The following DPH6 variants were observed in gnomAD, a reference collection of about 807,000 sequenced individuals.
The protein encoded by DPH6 is diphthine--ammonia ligase.
Under a neutral mutation model 38.2 loss-of-function variants are expected in DPH6, and 33 were observed. The observed-to-expected ratio is 0.86, with a 90% confidence interval of 0.65 to 1.15. DPH6 has a LOEUF of 1.15. Ranked by LOEUF, DPH6 falls within the 50% of genes most tolerant of loss-of-function variation. DPH6 has a pLI of 0.00. For missense variants in DPH6, 325 were observed against 320.0 expected (o/e 1.02, Z -0.12); for synonymous variants, 108 against 103.0 (o/e 1.05, Z -0.30).
chr15:35,448,051 A>G (rs147331421), intron 5 of DPH6, among the ~76,000 whole-genome samples: 196 of 152,312 alleles, frequency 1.3e-3, no homozygotes, highest in Non-Finnish European at 6.8e-4. Flanking sequence ...GAGGTTTTCC[A>G]GTAATAGGTA....
chr15:35,425,119 A>G (rs1422374187), intron 5 of DPH6, among the ~76,000 whole-genome samples: 2 of 151,674 alleles, frequency 1.3e-5, no homozygotes, highest in Admixed American at 6.6e-5. Flanking sequence ...CTGGAGGACA[A>G]GCCCTGCAAA....
rs573795265 is a variant in DPH6, at chr15:35,382,367, C to T, written c.568-451G>A. 3.9e-5 allele frequency among the ~76,000 whole-genome samples: 6 copies of T among 152,210 alleles called. No individual in the cohort carries two copies. In the South Asian group the frequency reaches 6.2e-4, roughly 16 times the overall value. On this transcript the variant is annotated intron_variant, in intron 6 of 8. Transcript: ENST00000256538. ...GGGAGAATGGCGTAAACCCGGGAGACGGAGCTCAGCCGAGTTTGCAGTGAG... is the reference window on the plus strand; with the variant it reads ...GGGAGAATGGCGTAAACCCGGGAGATGGAGCTCAGCCGAGTTTGCAGTGAG...
intron 3 of DPH6, among the ~76,000 whole-genome samples, chr15:35,360,153 A>ATT (rs772355576): frequency 7.7e-4 from 117 of 152,196 alleles, no homozygotes; most frequent in South Asian, 1.7e-3. Context: ...TAACAGACTG[A>ATT]TTTTTGCAGG....
At chr15:35,363,844 T>C (rs1286040197) in intron 3 of DPH6, among the ~76,000 whole-genome samples, 1 of 152,022 alleles carries the variant, frequency 6.6e-6, no homozygotes, top group Non-Finnish European at 1.5e-5. Flanking sequence ...TCTACATCTA[T>C]GAGGGTTACT....
intron 3 of DPH6, among the ~76,000 whole-genome samples, chr15:35,532,457 G>T (rs1402967616): frequency 6.6e-6 from 1 of 152,132 alleles, no homozygotes; most frequent in Non-Finnish European, 1.5e-5. Flanking sequence ...ATAGGTGCTG[G>T]AGCTATAATG....
At chr15:35,274,162 C>G (rs2051841585) in intron 3 of DPH6, among the ~76,000 whole-genome samples, 1 of 152,178 alleles carries the variant, frequency 6.6e-6, no homozygotes, top group Non-Finnish European at 1.5e-5. Context: ...AAAGGATTTC[C>G]TATTTAATGA....
At chr15:35,182,290 A>G in the DPH6 span, among the ~76,000 whole-genome samples, 1 of 133,542 alleles carries the variant, frequency 7.5e-6, no homozygotes. Context: ...GAAATGCTAT[A>G]CTAGAGTAAA....
the DPH6 span, among the ~76,000 whole-genome samples, chr15:35,189,184 G>A: frequency 1.3e-5 from 2 of 152,106 alleles, no homozygotes; most frequent in Non-Finnish European, 2.9e-5. Context: ...TGCTACAAGT[G>A]AGTTTTTCTA....
intron 6 of DPH6, among the ~76,000 whole-genome samples, chr15:35,387,574 A>G (rs1445826474): frequency 1.3e-5 from 2 of 152,034 alleles, no homozygotes; most frequent in East Asian, 3.9e-4. Flanking sequence ...TGTAAGTTGG[A>G]TTCCTAGGTA....
chr15:35,283,757 TACACAC>T (rs3028682), intron 3 of DPH6, among the ~76,000 whole-genome samples: 2,837 of 140,566 alleles, frequency 0.02, 39 homozygotes, highest in Middle Eastern at 0.029. Context: ...GCACAGATAG[TACACAC>T]ACACACACAC....
rs550825608 is a variant in DPH6 at position 35,429,898 on chromosome 15, G to T, written c.506-19002C>A. On this transcript the variant is annotated intron_variant, in intron 5 of 8. Transcript: ENST00000256538. ...TGTGTAATATTTACGAGTTAGAGTTGCAAAATCAAAACACTGATTGAACAG... is the reference window on the plus strand; with the variant it reads ...TGTGTAATATTTACGAGTTAGAGTTTCAAAATCAAAACACTGATTGAACAG... Among the ~76,000 whole-genome samples, 15 of 152,180 alleles carry T rather than the reference G, an allele frequency of 9.9e-5. No individual in the cohort carries two copies. In the South Asian group the frequency reaches 1.7e-3, roughly 17 times the overall value.
chr15:35,285,872 G>GTTTTTTTTTGTTTTTTTTTTTTTTTTTT (rs2051938608), intron 3 of DPH6, among the ~76,000 whole-genome samples: 1 of 52,794 alleles, frequency 1.9e-5, no homozygotes, highest in Non-Finnish European at 3.3e-5. Context: ...TTATCTTTGA[G>GTTTTTTTTTGTTTTTTTTTTTTTTTTTT]TTTTTTTTTT....
chr15:35,424,341 T>C (rs942863721), intron 5 of DPH6, among the ~76,000 whole-genome samples: 4 of 151,682 alleles, frequency 2.6e-5, no homozygotes, highest in Non-Finnish European at 3.0e-5. Context: ...GACTGTTTTC[T>C]TGATTTCCTT....
intron 3 of DPH6, among the ~76,000 whole-genome samples, chr15:35,500,219 A>C (rs1351249695): frequency 6.6e-6 from 1 of 152,184 alleles, no homozygotes; most frequent in African/African-American, 2.4e-5. Flanking sequence ...CTTCAGGGAA[A>C]TAGTGATGGG....
At chr15:35,485,681 A>G (rs541961746) in intron 3 of DPH6, among the ~76,000 whole-genome samples, 1 of 152,334 alleles carries the variant, frequency 6.6e-6, no homozygotes, top group South Asian at 2.1e-4. Context: ...TCAAATGCTG[A>G]AAAATAACTT....
Position 35,454,788 on chromosome 15 carries a change from A to T in DPH6, c.345T>A (p.Gly115=). The T allele has an allele frequency of 6.2e-7, 1 of 1,608,792 alleles. No homozygotes were observed. Among genetic ancestry groups the T allele is most frequent in the Non-Finnish European group, 8.5e-7 (1 of 1,178,014 alleles). ...EKEEVEGISV[G]AILSDYQRIR... is the part of the protein sequence containing the mutation. ...TACGCTGATAGTCAGAAAGTATAGC[A>T]CCTACTGATATCCCCTCTACTTCTT... Residue 115 remains glycine, a synonymous_variant, in exon 4 of 9, where the codon GGT becomes GGA. Coordinates refer to ENST00000256538, the MANE Select transcript of DPH6 (RefSeq NM_080650.4).
chr15:35,388,688 T>TC (rs2053007599), intron 6 of DPH6, among the ~76,000 whole-genome samples: 1 of 152,200 alleles, frequency 6.6e-6, no homozygotes, highest in African/African-American at 2.4e-5. Context: ...GGTGGTGATA[T>TC]CCCCTTTGTC....
chr15:35,401,233 G>T (rs1423403538), intron 6 of DPH6: 5 of 1,120,270 alleles, frequency 4.5e-6, no homozygotes, highest in Non-Finnish European at 6.7e-6. Context: ...CAGCCAAAGA[G>T]GACAAAGTGG....
intron 3 of DPH6, among the ~76,000 whole-genome samples, chr15:35,350,588 T>C (rs2052501711): frequency 6.6e-6 from 1 of 152,188 alleles, no homozygotes; most frequent in Non-Finnish European, 1.5e-5. Context: ...AATTTCCCTC[T>C]TAGAGCTGCT....
Sources: allele counts gnomAD v4.1 joint callset (sites outside exome capture counted in the v4.1 genomes callset), GRCh38; gene constraint gnomAD v4.1.1; transcripts MANE v1.5; gene names NCBI Gene and HGNC (gene_info 2026-07-23, HGNC 2026-07-21).